The following HHAT variants were observed in gnomAD, a reference collection of about 807,000 sequenced individuals.
HHAT encodes protein-cysteine N-palmitoyltransferase HHAT.
HHAT carries 47 observed loss-of-function variants against 70.8 expected under a neutral mutation model. The ratio of observed to expected loss-of-function variants is 0.66; its 90% CI spans 0.53 to 0.85. The LOEUF (loss-of-function observed/expected upper bound fraction) is 0.85, where lower values mean the gene tolerates loss of function less well. Ranked by LOEUF, HHAT falls within the 40% of genes least tolerant of loss-of-function variation. The pLI is 0.00. For synonymous variants in HHAT, 228 were observed against 247.6 expected, an observed-to-expected ratio of 0.92 and a Z score of 0.74; for missense variants, 609 against 604.8, an observed-to-expected ratio of 1.01 and a Z score of -0.07.
At chr1:210,669,345 G>A (rs1292974737) in intron 11 of HHAT, among the ~76,000 whole-genome samples, 6 of 152,058 alleles carry the variant, frequency 3.9e-5, no homozygotes, top group South Asian at 2.1e-4. Flanking sequence ...CCTTCTCTTC[G>A]CTTCAGCCAT....
intron 9 of HHAT, among the ~76,000 whole-genome samples, chr1:210,551,021 A>C (rs2095523146): frequency 6.7e-6 from 1 of 148,900 alleles, no homozygotes. Context: ...AGACTGACAC[A>C]GAGCTAAAGG....
At chr1:210,434,269 G>A (rs536215687) in intron 7 of HHAT, among the ~76,000 whole-genome samples, 32 of 151,916 alleles carry the variant, frequency 2.1e-4, no homozygotes, top group South Asian at 1.2e-3. Flanking sequence ...ATAATCAGAC[G>A]TGAGAAAATG....
At chr1:210,384,870 A>G (rs1325264746) in intron 3 of HHAT, among the ~76,000 whole-genome samples, 1 of 152,320 alleles carries the variant, frequency 6.6e-6, no homozygotes, top group East Asian at 1.9e-4. Context: ...TTCTTACCCA[A>G]ATCATTAAAC....
chr1:210,406,534 A>C lies in HHAT; in HGVS notation c.684+1855A>C, dbSNP rs190778053. 2.6e-5 allele frequency among the ~76,000 whole-genome samples: 4 copies of C among 152,088 alleles called. No individual in the cohort carries two copies. In the East Asian group the frequency reaches 7.8e-4, roughly 30 times the overall value. Reference sequence around the variant, plus strand: ...TGAGCCTCCTGAGTAGCTGGATTACAGGCATGCACCAGCAAGTCCAGCTAA... The same window carrying C: ...TGAGCCTCCTGAGTAGCTGGATTACCGGCATGCACCAGCAAGTCCAGCTAA... On this transcript the variant is annotated intron_variant, in intron 6 of 11. Coordinates refer to ENST00000261458, the MANE Select transcript of HHAT (RefSeq NM_018194.6).
At chr1:210,554,729 C>T (rs78303965) in intron 9 of HHAT, among the ~76,000 whole-genome samples, 3,031 of 152,214 alleles carry the variant, frequency 0.02, 92 homozygotes, top group African/African-American at 0.066. Flanking sequence ...ATTTATGTGG[C>T]ACCATCTAGT....
intron 9 of HHAT, among the ~76,000 whole-genome samples, chr1:210,570,538 G>C (rs1177791752): frequency 6.6e-6 from 1 of 152,172 alleles, no homozygotes; most frequent in Non-Finnish European, 1.5e-5. Context: ...ATGTGCCCAG[G>C]GGCTGGTGCT....
At chr1:210,545,245 T>C (rs967362306) in intron 9 of HHAT, among the ~76,000 whole-genome samples, 3 of 152,184 alleles carry the variant, frequency 2.0e-5, no homozygotes, top group African/African-American at 7.2e-5. Flanking sequence ...AACCTCATCA[T>C]GCATTAGTCA....
At chr1:210,530,359 T>C (rs2148631703) in intron 9 of HHAT, among the ~76,000 whole-genome samples, 1 of 152,148 alleles carries the variant, frequency 6.6e-6, no homozygotes, top group African/African-American at 2.4e-5. Flanking sequence ...AGTAAAGGGG[T>C]ATAAACAAGG....
intron 11 of HHAT, among the ~76,000 whole-genome samples, chr1:210,650,538 T>C (rs1454710074): frequency 1.3e-5 from 2 of 152,226 alleles, no homozygotes; most frequent in African/African-American, 4.8e-5. Flanking sequence ...AGTCTGATTA[T>C]TTTTTCTTTT....
At position 210,583,947 on chromosome 1, in the gene HHAT, A is replaced by ATTTTTTTT. The variant is rs371722219; in HGVS notation, c.1044-3935_1044-3928dup. On this transcript the variant is annotated intron_variant, in intron 9 of 11. Coordinates refer to ENST00000261458, the MANE Select transcript of HHAT (RefSeq NM_018194.6). The stretch of plus-strand genomic sequence containing the variant: ...TTTTCTGACATATACAGTGCAGCTA[A>ATTTTTTTT]TTTTTTTTTTTTTTTTTTTTTTTGT... Among the ~76,000 whole-genome samples, 498 of 88,912 alleles carry ATTTTTTTT rather than the reference A, an allele frequency of 5.6e-3. 1 individual carries two copies. Among genetic ancestry groups the ATTTTTTTT allele is most frequent in the Middle Eastern group, 9.3e-3 (1 of 108 alleles). The allele number at this position is 88,912 out of a possible 152,430, so 58.3% of individuals were successfully genotyped here. A position where few individuals can be genotyped will look rare whatever the true frequency, so the allele number is the denominator to read the frequency against.
At position 210,358,056 on chromosome 1, in the gene HHAT, G is replaced by T. The variant is rs372725239; in HGVS notation, c.92-4796G>T. ...TCTGCTTTCTTAAGACTTCTAATAA[G>T]CCTCCCACAATGACATGGGGCAGAG... On this transcript the variant is annotated intron_variant, in intron 2 of 11. Transcript: ENST00000261458. 6.5e-4 allele frequency among the ~76,000 whole-genome samples: 99 copies of T among 152,230 alleles called. 2 individuals are homozygous for T. The highest frequency in any genetic ancestry group is 2.4e-3 in the African/African-American group (98 of 41,538).
At chr1:210,344,525 T>C (rs2086333281) in intron 1 of HHAT, among the ~76,000 whole-genome samples, 1 of 152,206 alleles carries the variant, frequency 6.6e-6, no homozygotes, top group Admixed American at 6.5e-5. Context: ...AAATGCCTGT[T>C]GATGCTCATC....
At chr1:210,548,912 C>T (rs1404941059) in intron 9 of HHAT, among the ~76,000 whole-genome samples, 2 of 152,194 alleles carry the variant, frequency 1.3e-5, no homozygotes, top group Non-Finnish European at 2.9e-5. Context: ...ATAGACCCTG[C>T]TCACTGGGGG....
intron 9 of HHAT, among the ~76,000 whole-genome samples, chr1:210,545,490 G>A (rs1327778924): frequency 7.0e-6 from 1 of 142,060 alleles, no homozygotes; most frequent in East Asian, 2.1e-4. Flanking sequence ...AGACTGGAGT[G>A]CAGTGGCACA....
At chr1:210,537,578 A>G (rs2095387230) in intron 9 of HHAT, among the ~76,000 whole-genome samples, 1 of 152,168 alleles carries the variant, frequency 6.6e-6, no homozygotes, top group Admixed American at 6.5e-5. Flanking sequence ...AGTAGGTGAA[A>G]ATGGAGACAG....
At chr1:210,615,257 G>A (rs1447055344) in intron 10 of HHAT, among the ~76,000 whole-genome samples, 1 of 152,228 alleles carries the variant, frequency 6.6e-6, no homozygotes, top group African/African-American at 2.4e-5. Flanking sequence ...TTTTGATGGG[G>A]TTGTTTTTTT....
At chr1:210,564,988 G>A (rs377691792) in intron 9 of HHAT, among the ~76,000 whole-genome samples, 3 of 152,172 alleles carry the variant, frequency 2.0e-5, no homozygotes, top group African/African-American at 7.2e-5. Context: ...AGACATTTAT[G>A]AAATGGGAAA....
chr1:210,480,548 AT>A (rs1333391814), intron 8 of HHAT, among the ~76,000 whole-genome samples: 1 of 152,140 alleles, frequency 6.6e-6, no homozygotes, highest in Non-Finnish European at 1.5e-5. Flanking sequence ...AACACCAGGG[AT>A]TTTAGTTACT....
At chr1:210,442,303 G>A (rs12144860) in intron 7 of HHAT, among the ~76,000 whole-genome samples, 18,969 of 122,044 alleles carry the variant, frequency 0.16, 1,337 homozygotes, top group Middle Eastern at 0.19. Context: ...TAATGCCGCA[G>A]TAAACATACG....
Sources: allele counts gnomAD v4.1 joint callset (sites outside exome capture counted in the v4.1 genomes callset), GRCh38; gene constraint gnomAD v4.1.1; transcripts MANE v1.5; gene names NCBI Gene and HGNC (gene_info 2026-07-23, HGNC 2026-07-21).